Variants in RECK observed in about 807,000 individuals in gnomAD.
The protein encoded by RECK is reversion-inducing cysteine-rich protein with Kazal motifs.
RECK carries 69 observed loss-of-function variants against 115.1 expected under a neutral mutation model. That is an observed-to-expected ratio of 0.60 (90% CI 0.49 to 0.73). The LOEUF (loss-of-function observed/expected upper bound fraction) is 0.73, where lower values mean the gene tolerates loss of function less well. RECK is among the 30% of genes least tolerant of loss of function. The pLI, the probability that RECK is intolerant of heterozygous loss-of-function variation, is 0.00. For synonymous variants in RECK, 414 were observed against 419.7 expected (o/e 0.99, Z 0.17); for missense variants, 1,047 against 1,203.7 (o/e 0.87, Z 1.93).
chr9:36,064,946 G>A (rs770663588), intron 5 of RECK, among the ~76,000 whole-genome samples: 1 of 152,016 alleles, frequency 6.6e-6, no homozygotes, highest in African/African-American at 2.4e-5. Flanking sequence ...TATATAGAAA[G>A]TATATACTTA....
intron 6 of RECK, among the ~76,000 whole-genome samples, chr9:36,071,325 T>C (rs1270142444): frequency 2.0e-5 from 3 of 152,214 alleles, no homozygotes; most frequent in Admixed American, 2.0e-4. Context: ...TAAGGTAATA[T>C]GAGGCTGATG....
At chr9:36,069,480 C>CAAAAA (rs60192603) in intron 6 of RECK, among the ~76,000 whole-genome samples, 7 of 84,912 alleles carry the variant, frequency 8.2e-5, no homozygotes, top group South Asian at 3.5e-4. Flanking sequence ...GTGGAGGTTG[C>CAAAAA]AAAAAAAAAA....
chr9:36,061,366 C>A (rs1821755014), intron 4 of RECK, among the ~76,000 whole-genome samples: 1 of 147,418 alleles, frequency 6.8e-6, no homozygotes, highest in Non-Finnish European at 1.5e-5. Flanking sequence ...TGCTTGTACC[C>A]AGCATCCTTA....
At chr9:36,103,381 G>C (rs1414278524) in intron 12 of RECK, among the ~76,000 whole-genome samples, 1 of 152,190 alleles carries the variant, frequency 6.6e-6, no homozygotes, top group Non-Finnish European at 1.5e-5. Flanking sequence ...ACCATCCTTA[G>C]CATTTAGCTT....
Position 36,042,353 on chromosome 9 carries a change from T to C in RECK, c.100+5255T>C, listed in dbSNP as rs576647780. ...TGGGTTACTTCACTTAGAATAATGG[T>C]CTCCAACTTCATACAGGTTGCTGCA... On this transcript the variant is annotated intron_variant, in intron 1 of 20. Transcript: ENST00000377966. 1.3e-4 allele frequency among the ~76,000 whole-genome samples: 20 copies of C among 152,270 alleles called. 1 individual carries two copies. In the South Asian group the frequency reaches 2.9e-3, roughly 22 times the overall value.
chr9:36,101,311 G>GAGCTGCTAT (rs1823559519), intron 11 of RECK, among the ~76,000 whole-genome samples: 2 of 152,190 alleles, frequency 1.3e-5, no homozygotes, highest in Non-Finnish European at 2.9e-5. Context: ...GTAAAGATAG[G>GAGCTGCTAT]AGCTGCTATA....
intron 5 of RECK, among the ~76,000 whole-genome samples, chr9:36,064,389 G>T (rs1821907670): frequency 6.6e-6 from 1 of 152,144 alleles, no homozygotes; most frequent in Non-Finnish European, 1.5e-5. Context: ...ATTCAGCTTA[G>T]GTGCCTGAGT....
chr9:36,119,523 A>C (rs986345059), intron 18 of RECK, among the ~76,000 whole-genome samples: 2 of 152,202 alleles, frequency 1.3e-5, no homozygotes, highest in African/African-American at 4.8e-5. Flanking sequence ...ACTCTTAGTC[A>C]AACAGAAGTA....
In RECK at chr9:36,107,993, G is replaced by A; in HGVS notation, c.1594G>A (p.Ala532Thr). The A allele has an allele frequency of 6.2e-7, 1 of 1,612,088 alleles. No homozygotes were observed. The highest frequency in any genetic ancestry group is 8.5e-7 in the Non-Finnish European group (1 of 1,179,250). ...TTGTACAGGTTGCAAACTGGGAGAA[G>A]CTTCTGATTTCATTGTCCGTCAAGG... ...FCVQGCKLGE[A>T]SDFIVRQGTL... is the part of the protein sequence containing the mutation. The change falls in exon 14 of 21, where the codon GCT (alanine) becomes ACT (threonine). Residue 532 changes from alanine (A) to threonine (T), a missense_variant. Physicochemically the swap from Ala to Thr is moderately conservative, Grantham distance 58 (BLOSUM62 0). Transcript: ENST00000377966.
intron 2 of RECK, among the ~76,000 whole-genome samples, chr9:36,054,344 T>C (rs1361465039): frequency 6.6e-6 from 1 of 152,130 alleles, no homozygotes; most frequent in Admixed American, 6.5e-5. Context: ...GATTTGGAAT[T>C]AAAACTTTTG....
chr9:36,048,886 A>G (rs1329097959), intron 1 of RECK, among the ~76,000 whole-genome samples: 1 of 152,088 alleles, frequency 6.6e-6, no homozygotes, highest in Non-Finnish European at 1.5e-5. Flanking sequence ...CCCCAACAAG[A>G]TTGCCCTTAA....
At chr9:36,095,019 A>T (rs1272302808) in intron 10 of RECK, among the ~76,000 whole-genome samples, 1 of 152,238 alleles carries the variant, frequency 6.6e-6, no homozygotes, top group Non-Finnish European at 1.5e-5. Context: ...AATCAATAAA[A>T]ATAAACTATA....
At chr9:36,050,740 A>G (rs747349881) in intron 1 of RECK, among the ~76,000 whole-genome samples, 2 of 152,104 alleles carry the variant, frequency 1.3e-5, no homozygotes, top group African/African-American at 4.8e-5. Flanking sequence ...CCCTTCAGTC[A>G]TTCTTTTCTA....
In RECK at chr9:36,094,518, C is replaced by T. The variant is rs533454523; in HGVS notation, c.1085+3175C>T. Reference sequence around the variant, plus strand: ...TATAAAATGGAAAACTAAAATAATACTTGATCCATCCAAAAGAAGACAGAA... The same window carrying T: ...TATAAAATGGAAAACTAAAATAATATTTGATCCATCCAAAAGAAGACAGAA... On this transcript the variant is annotated intron_variant, in intron 10 of 20. Transcript: ENST00000377966. This position sits in a 1 kb window ranked among gnomAD's most constrained non-coding sequence, Gnocchi z 4.1. 1.3e-5 allele frequency among the ~76,000 whole-genome samples: 2 copies of T among 152,118 alleles called. No individual in the cohort carries two copies. Among genetic ancestry groups the T allele is most frequent in the East Asian group, 3.9e-4 (2 of 5,186 alleles).
rs192190490 is a variant in RECK, at chr9:36,082,584, C to A, written c.440-781C>A. On this transcript the variant is annotated intron_variant, in intron 7 of 20. Transcript: ENST00000377966. ...CTTTACAGATCCCACATCTGCACCC[C>A]CAGCTACTCATCTAGCTCTCCCAAA... Among the ~76,000 whole-genome samples the A allele has an allele frequency of 1.2e-4, 19 of 152,280 alleles. No individual in the cohort carries two copies. The East Asian group carries it at 3.7e-3, about 29-fold the overall frequency.
At chr9:36,093,131 T>C (rs1823223697) in intron 10 of RECK, among the ~76,000 whole-genome samples, 1 of 152,126 alleles carries the variant, frequency 6.6e-6, no homozygotes, top group Non-Finnish European at 1.5e-5. Context: ...ATCCAAGAGC[T>C]AAGAGTAAAG....
At chr9:36,050,810 T>C (rs1233527588) in intron 1 of RECK, among the ~76,000 whole-genome samples, 1 of 152,154 alleles carries the variant, frequency 6.6e-6, no homozygotes, top group Non-Finnish European at 1.5e-5. Context: ...GTTTCTGCCT[T>C]TTGGAAAATT....
intron 8 of RECK, among the ~76,000 whole-genome samples, chr9:36,084,223 C>T (rs1293934435): frequency 6.6e-6 from 1 of 151,776 alleles, no homozygotes; most frequent in Admixed American, 6.6e-5. Context: ...ATGGTGAAAC[C>T]CCATCTCTAC....
In RECK at chr9:36,099,367, A is replaced by G. The variant is rs1027917339; in HGVS notation, c.1086-964A>G. Among the ~76,000 whole-genome samples, 9 of 152,234 alleles carry G rather than the reference A, an allele frequency of 5.9e-5. No individual in the cohort carries two copies. The South Asian group carries it at 8.3e-4, about 14-fold the overall frequency. ...CCACCTGAGTTCTATTAAGCCAGAC[A>G]TTACAGAGATTTGCAAAACTGTAAA... is the stretch of plus-strand genomic sequence containing the variant. On this transcript the variant is annotated intron_variant, in intron 10 of 20. Transcript: ENST00000377966.
Sources: allele counts gnomAD v4.1 joint callset (sites outside exome capture counted in the v4.1 genomes callset), GRCh38; gene constraint gnomAD v4.1.1; non-coding constraint Gnocchi (gnomAD v3.1); transcripts MANE v1.5; gene names NCBI Gene and HGNC (gene_info 2026-07-23, HGNC 2026-07-21).